Variants in ZNF444 observed in about 807,000 individuals in gnomAD.
ZNF444 encodes zinc finger protein 444.
In ZNF444, 8 loss-of-function variants were observed where a neutral mutation model predicts 14.4. That is an observed-to-expected ratio of 0.56 (90% CI 0.33 to 1.00). ZNF444 has a LOEUF of 1.00. Among genes scored for constraint, ZNF444 ranks in the 50% least tolerant of loss-of-function variants. The pLI, the probability that ZNF444 is intolerant of heterozygous loss-of-function variation, is 0.03. For missense variants in ZNF444, 510 were observed against 504.8 expected, an observed-to-expected ratio of 1.01 and a Z score of -0.10; for synonymous variants, 258 against 235.9, an observed-to-expected ratio of 1.09 and a Z score of -0.86.
Position 56,160,223 on chromosome 19 carries a change from C to G in ZNF444, c.*22C>G. The G allele has an allele frequency of 7.1e-6, 10 of 1,416,380 alleles. No homozygotes were observed. The highest frequency in any genetic ancestry group is 1.5e-5 in the South Asian group (1 of 66,012). The allele number at this position is 1,416,380 out of a possible 1,614,324, so 87.7% of individuals were successfully genotyped here. ...TTAGCCGCCTCCCGGCCAGCGCCAT[C>G]TCCCGCCCTTGGTGCTGCCCCCGGG... On this transcript the variant is annotated 3_prime_UTR_variant, in exon 5 of 5. Transcript: ENST00000337080.
chr19:56,154,276 C>T (rs1186402390), intron 3 of ZNF444: 1 of 152,178 alleles, frequency 6.6e-6, no homozygotes, highest in Non-Finnish European at 1.5e-5. Flanking sequence ...GTAAGTTCTA[C>T]CAGGCCTCCA....
rs2031265701 is a variant in ZNF444, at chr19:56,147,422, C to T, written c.297+214C>T. 6.6e-6 allele frequency among the ~76,000 whole-genome samples: 1 copy of T among 152,138 alleles called. No individual in the cohort carries two copies. Among genetic ancestry groups the T allele is most frequent in the Non-Finnish European group, 1.5e-5 (1 of 68,012 alleles). On this transcript the variant is annotated intron_variant, in intron 3 of 4. Coordinates refer to ENST00000337080, the MANE Select transcript of ZNF444 (RefSeq NM_018337.4). The surrounding 1 kb of genome is among the most constrained non-coding windows in gnomAD (Gnocchi z 5.9). ...GCTGCAAGTCAGGAGGGCCCCAAGACCCTGGCATACTTGCGAGTTCTCTAG... is the reference window on the plus strand; with the variant it reads ...GCTGCAAGTCAGGAGGGCCCCAAGATCCTGGCATACTTGCGAGTTCTCTAG...
In ZNF444 at chr19:56,160,088, G is replaced by A. The variant is rs1406776903; in HGVS notation, c.871G>A (p.Glu291Lys). The A allele has an allele frequency of 1.3e-6, 2 of 1,499,386 alleles. No homozygotes were observed. The highest frequency in any genetic ancestry group is 2.1e-5 in the Admixed American group (1 of 46,950). 92.9% of individuals were successfully genotyped at this position (1,499,386 alleles called of 1,614,324 possible). A position where few individuals can be genotyped will look rare whatever the true frequency, so the allele number is the denominator to read the frequency against. Residue 291 changes from glutamate (E) to lysine (K), a missense_variant, in exon 5 of 5, where the codon GAG becomes AAG. Transcript: ENST00000337080. ...WECGKGFGRR[E>K]HVLRHQRIHG... ...GTGTGGCAAGGGCTTCGGGCGCCGC[G>A]AGCACGTGCTGCGCCACCAGCGCAT... is the stretch of plus-strand genomic sequence containing the variant.
chr19:56,136,599 G>T (rs146027517), upstream of ZNF444, among the ~76,000 whole-genome samples: 1 of 152,226 alleles, frequency 6.6e-6, no homozygotes, highest in East Asian at 1.9e-4. Context: ...AGTGCTTTGC[G>T]TGTATTAACT....
At position 56,157,184 on chromosome 19, in the gene ZNF444, C is replaced by T. The variant is rs932895050; in HGVS notation, c.298-1310C>T. On this transcript the variant is annotated intron_variant, in intron 3 of 4. Transcript: ENST00000337080. ...AGTGAGACTGTGCTCTTCTGACTCT[C>T]TCCGATGGGCCCCAGAGCCCATCAC... The T allele has an allele frequency of 5.2e-5, 8 of 152,382 alleles. No homozygotes were observed. In the East Asian group the frequency reaches 1.5e-3, roughly 30 times the overall value. 9.4% of individuals were successfully genotyped at this position (152,382 alleles called of 1,614,324 possible).
rs1313192299 is a variant in ZNF444, at chr19:56,160,172, G to A, written c.955G>A (p.Gly319Ser). 3 of 1,475,010 alleles carry A rather than the reference G, an allele frequency of 2.0e-6. No individual in the cohort carries two copies. The highest frequency in any genetic ancestry group is 3.0e-5 in the African/African-American group (2 of 67,708). The allele number at this position is 1,475,010 out of a possible 1,614,324, so 91.4% of individuals were successfully genotyped here. A position where few individuals can be genotyped will look rare whatever the true frequency, so the allele number is the denominator to read the frequency against. The change falls in exon 5 of 5, where the codon GGC becomes AGC. Residue 319 changes from glycine to serine, a missense_variant. By Grantham distance (56) the Gly-to-Ser change is moderately conservative. Coordinates refer to ENST00000337080, the MANE Select transcript of ZNF444 (RefSeq NM_018337.4). The stretch of plus-strand genomic sequence containing the variant: ...GGTAGCTCCGGGCCCGGATGGTGGA[G>A]GCCCCTTCCCGCCCTGGCCCTTGGG... Reference protein sequence around the residue: ...GAVAPGPDGGGPFPPWPLG With the variant: ...GAVAPGPDGGSPFPPWPLG
intron 1 of ZNF444, among the ~76,000 whole-genome samples, chr19:56,134,165 C>A (rs561448628): frequency 6.6e-6 from 1 of 152,246 alleles, no homozygotes; most frequent in Admixed American, 6.5e-5. Context: ...CAGAGATGAA[C>A]CAAACCCCAT....
At chr19:56,137,588 G>A (rs979785238), upstream of ZNF444, among the ~76,000 whole-genome samples, 1 of 152,198 alleles carries the variant, frequency 6.6e-6, no homozygotes, top group Non-Finnish European at 1.5e-5. Flanking sequence ...GCAGGCACCT[G>A]GCCAACCAGG....
At chr19:56,157,050 C>G (rs1211029301) in intron 3 of ZNF444, 2 of 152,404 alleles carry the variant, frequency 1.3e-5, no homozygotes, top group African/African-American at 2.4e-5. Flanking sequence ...GAGGCCAGGA[C>G]AGCACCCCTG....
In ZNF444 at chr19:56,145,172, C is replaced by T. The variant is rs140784681; in HGVS notation, c.-196-1075C>T. Among the ~76,000 whole-genome samples, 1,299 of 152,380 alleles carry T rather than the reference C, an allele frequency of 8.5e-3. 15 individuals carry two copies. Among genetic ancestry groups the T allele is most frequent in the African/African-American group, 0.029 (1,218 of 41,596 alleles). On this transcript the variant is annotated intron_variant, in intron 1 of 4. Transcript: ENST00000337080. This position sits in a 1 kb window ranked among gnomAD's most constrained non-coding sequence, Gnocchi z 4.3. ...AATGCTTTGAAGTCAGGACTCCTTTCTGCCTTCAAAATTACTGAAGACCCT... is the reference window on the plus strand; with the variant it reads ...AATGCTTTGAAGTCAGGACTCCTTTTTGCCTTCAAAATTACTGAAGACCCT...
chr19:56,134,275 G>A (rs1031034959), intron 1 of ZNF444, among the ~76,000 whole-genome samples: 2 of 152,146 alleles, frequency 1.3e-5, no homozygotes, highest in African/African-American at 2.4e-5. Context: ...CAAAGGAGCC[G>A]AGAAGCTAGA....
chr19:56,146,976 G>A lies in ZNF444; in HGVS notation c.65G>A (p.Arg22His). 6 of 1,435,664 alleles carry A rather than the reference G, an allele frequency of 4.2e-6. No individual in the cohort carries two copies. Among genetic ancestry groups the A allele is most frequent in the Non-Finnish European group, 3.6e-6 (4 of 1,103,800 alleles). 88.9% of individuals were successfully genotyped at this position (1,435,664 alleles called of 1,614,324 possible). ...CTGGCGCTGGACTCCCCGTGGCACC[G>A]CTTCCGCCGCTTCCACCTGGGCGAC... ...EGLALDSPWH[R>H]FRRFHLGDAP... The change falls in exon 3 of 5, where the codon CGC becomes CAC. Residue 22 changes from arginine to histidine, a missense_variant. Physicochemically the swap from Arg to His is conservative, Grantham distance 29. Coordinates refer to ENST00000337080, the MANE Select transcript of ZNF444 (RefSeq NM_018337.4).
chr19:56,137,375 T>C (rs1599983864), upstream of ZNF444, among the ~76,000 whole-genome samples: 6 of 151,278 alleles, frequency 4.0e-5, no homozygotes, highest in South Asian at 1.3e-3. Flanking sequence ...GAGTCTGAGG[T>C]GGAAGAATCG....
rs1384856884 is a variant in ZNF444 at position 56,146,993 on chromosome 19, C to T, written c.82C>T (p.Leu28=). 6.9e-7 allele frequency: 1 copy of T among 1,442,058 alleles called. No individual in the cohort carries two copies. The highest frequency in any genetic ancestry group is 9.0e-7 in the Non-Finnish European group (1 of 1,106,472). The allele number at this position is 1,442,058 out of a possible 1,614,324, so 89.3% of individuals were successfully genotyped here. A position where few individuals can be genotyped will look rare whatever the true frequency, so the allele number is the denominator to read the frequency against. The part of the protein sequence containing the change: ...SPWHRFRRFH[L]GDAPGPREAL... ...GTGGCACCGCTTCCGCCGCTTCCAC[C>T]TGGGCGACGCGCCGGGCCCGCGGGA... Residue 28 remains leucine, a synonymous_variant, in exon 3 of 5, where the codon CTG becomes TTG. Coordinates refer to ENST00000337080, the MANE Select transcript of ZNF444 (RefSeq NM_018337.4).
upstream of ZNF444, among the ~76,000 whole-genome samples, chr19:56,138,710 C>T (rs1308442433): frequency 2.0e-5 from 3 of 148,350 alleles, no homozygotes; most frequent in South Asian, 2.1e-4. Flanking sequence ...GGGTGGTTCA[C>T]ATTTAATGGG....
intron 1 of ZNF444, chr19:56,141,797 T>A (rs1006284738): frequency 9.2e-5 from 14 of 151,700 alleles, no homozygotes; most frequent in African/African-American, 3.4e-4. Context: ...TCGGAAAGGT[T>A]TGCGGGAAGG....
intron 1 of ZNF444, among the ~76,000 whole-genome samples, chr19:56,133,732 G>A (rs1291740232): frequency 6.7e-6 from 1 of 148,918 alleles, no homozygotes; most frequent in Non-Finnish European, 1.5e-5. Context: ...AGAATGGCGT[G>A]AACCCGGAAG....
At chr19:56,140,213 G>A (rs76335601), upstream of ZNF444, among the ~76,000 whole-genome samples, 403 of 152,254 alleles carry the variant, frequency 2.6e-3, 1 homozygote, top group Non-Finnish European at 4.4e-3. Context: ...CAGATCAGCC[G>A]GGGAGGTGGA....
upstream of ZNF444, among the ~76,000 whole-genome samples, chr19:56,140,756 TCTCCTC>T (rs3834636): frequency 6.6e-6 from 1 of 151,864 alleles, no homozygotes; most frequent in Non-Finnish European, 1.5e-5. Context: ...TCTAGCCTGG[TCTCCTC>T]CTCCTCCTCC....
Sources: gnomAD v4.1 joint callset for allele counts (sites outside exome capture counted in the v4.1 genomes callset) on GRCh38, gnomAD v4.1.1 for gene constraint, Gnocchi (gnomAD v3.1) non-coding constraint, MANE v1.5 for transcripts, NCBI Gene and HGNC (gene_info 2026-07-23, HGNC 2026-07-21) for gene names.